The following ABCC9 variants were observed in gnomAD, a reference collection of about 807,000 sequenced individuals.
The protein encoded by ABCC9 is ATP binding cassette subfamily C member 9.
ABCC9 carries 95 observed loss-of-function variants against 188.3 expected under a neutral mutation model. The observed-to-expected ratio is 0.50, with a 90% CI of 0.43 to 0.60. The LOEUF (loss-of-function observed/expected upper bound fraction) is 0.60. ABCC9 is among the 20% of genes least tolerant of loss of function. ABCC9 has a pLI of 0.00. For synonymous variants in ABCC9, 659 were observed against 652.7 expected (o/e 1.01, Z -0.15); for missense variants, 1,102 against 1,876.3 (o/e 0.59, Z 7.62).
At position 21,797,913 on chromosome 12, in the gene ABCC9, G is replaced by A. The variant is rs1941228808; in HGVS notation, c.*3131C>T. On this transcript the variant is annotated 3_prime_UTR_variant, in exon 40 of 40. Transcript: ENST00000261200. ...CTAATTAAATATAAAATTTATAAAT[G>A]TAAAATCTGATTTAGTTAAGGTGGT... 1 of 152,108 alleles carries A rather than the reference G, an allele frequency of 6.6e-6. No individual in the cohort carries two copies. The highest frequency in any genetic ancestry group is 1.5e-5 in the Non-Finnish European group (1 of 67,996). The allele number at this position is 152,108 out of a possible 1,614,324, so 9.4% of individuals were successfully genotyped here.
At chr12:21,813,322 C>T (rs11836119) in intron 35 of ABCC9, among the ~76,000 whole-genome samples, 632 of 152,264 alleles carry the variant, frequency 4.2e-3, no homozygotes, top group African/African-American at 0.014. Flanking sequence ...CACTTTTGTG[C>T]AGAGACCATA....
intron 24 of ABCC9, among the ~76,000 whole-genome samples, chr12:21,850,132 C>T (rs1459419095): frequency 6.6e-6 from 1 of 150,954 alleles, no homozygotes; most frequent in African/African-American, 2.4e-5. Flanking sequence ...CTGCCCTGAG[C>T]ATTGCAGAAT....
At chr12:21,926,533 T>G (rs192709271) in intron 4 of ABCC9, among the ~76,000 whole-genome samples, 7 of 152,244 alleles carry the variant, frequency 4.6e-5, no homozygotes, top group Admixed American at 4.6e-4. Flanking sequence ...GATGCAACCA[T>G]GAAGAAAACA....
At chr12:21,936,877 G>T (rs1949510281) in intron 2 of ABCC9, among the ~76,000 whole-genome samples, 183 bp from the exon 3 acceptor site, 1 of 152,128 alleles carries the variant, frequency 6.6e-6, no homozygotes. Context: ...CGTCCTATGA[G>T]ATCTTCTTTT....
At chr12:21,838,003 A>G (rs1228661648) in intron 30 of ABCC9, 75 bp downstream of exon 30, 1 of 1,189,866 alleles carries the variant, frequency 8.4e-7, no homozygotes, top group Non-Finnish European at 1.2e-6. Flanking sequence ...GAAAGCAATG[A>G]TCAGTTATTT....
chr12:21,935,900 A>G (rs936895388), intron 3 of ABCC9, among the ~76,000 whole-genome samples: 1 of 152,152 alleles, frequency 6.6e-6, no homozygotes, highest in Non-Finnish European at 1.5e-5. Context: ...CAGATTTTAT[A>G]CATATGTAAA....
chr12:21,915,347 A>ATATATGTG, intron 7 of ABCC9, among the ~76,000 whole-genome samples: 2 of 138,610 alleles, frequency 1.4e-5, no homozygotes, highest in Admixed American at 1.5e-4. Context: ...AGACATGTGT[A>ATATATGTG]TGTATATATA....
intron 10 of ABCC9, among the ~76,000 whole-genome samples, chr12:21,908,685 G>C (rs1431826922): frequency 6.6e-6 from 1 of 151,922 alleles, no homozygotes; most frequent in Non-Finnish European, 1.5e-5. Context: ...AGTAGAGGAT[G>C]GTTGTCTGTG....
intron 17 of ABCC9, among the ~76,000 whole-genome samples, chr12:21,875,118 C>T (rs1005631844): frequency 2.1e-5 from 3 of 145,262 alleles, no homozygotes; most frequent in South Asian, 2.1e-4. Flanking sequence ...TTTTTGGTAG[C>T]GATTGCATAT....
At chr12:21,843,594 CAT>C (rs1410958531) in intron 28 of ABCC9, among the ~76,000 whole-genome samples, 1 of 152,120 alleles carries the variant, frequency 6.6e-6, no homozygotes, top group African/African-American at 2.4e-5. Flanking sequence ...TGCTGCTTTT[CAT>C]ATGATATATC....
In ABCC9 at chr12:21,863,057, G is replaced by T; in HGVS notation, c.2238-3C>A. The stretch of plus-strand genomic sequence containing the variant: ...ATGCCACAGAGTACCTGTTCCTACT[G>T]AAAAATGAAAAAGAAAAAAAAAAAC... On this transcript the variant is annotated splice_region_variant and splice_polypyrimidine_tract_variant and intron_variant, in intron 19 of 39. Coordinates refer to ENST00000261200, the MANE Select transcript of ABCC9 (RefSeq NM_020297.4). 6.4e-7 allele frequency: 1 copy of T among 1,566,534 alleles called. No homozygotes were observed. The highest frequency in any genetic ancestry group is 8.7e-7 in the Non-Finnish European group (1 of 1,149,464).
rs1941242429 is a variant in ABCC9 at position 21,798,136 on chromosome 12, A to G, written c.*2908T>C. 1 of 152,222 alleles carries G rather than the reference A, an allele frequency of 6.6e-6. No homozygotes were observed. 9.4% of individuals were successfully genotyped at this position (152,222 alleles called of 1,614,324 possible). A position where few individuals can be genotyped will look rare whatever the true frequency, so the allele number is the denominator to read the frequency against. ...AAAAGTTATGAGGGGACCAGCAACC[A>G]CTTGGCTGTAAGAATGGTGAATGTG... On this transcript the variant is annotated 3_prime_UTR_variant, in exon 40 of 40. Coordinates refer to ENST00000261200, the MANE Select transcript of ABCC9 (RefSeq NM_020297.4).
In ABCC9 at chr12:21,878,382, T is replaced by C. The variant is rs186047754; in HGVS notation, c.2020-2656A>G. Among the ~76,000 whole-genome samples, 277 of 152,292 alleles carry C rather than the reference T, an allele frequency of 1.8e-3. 2 individuals are homozygous for C. Among genetic ancestry groups the C allele is most frequent in the African/African-American group, 6.3e-3 (261 of 41,554 alleles). Reference sequence around the variant, plus strand: ...AGAATGCTAAAAATCCTTTAGTACCTTTCTGCAGCAATCCAACCTCATGCC... The same window carrying C: ...AGAATGCTAAAAATCCTTTAGTACCCTTCTGCAGCAATCCAACCTCATGCC... On this transcript the variant is annotated intron_variant, in intron 16 of 39. Transcript: ENST00000261200.
Position 21,876,115 on chromosome 12 carries a change from C to G in ABCC9, c.2020-389G>C, listed in dbSNP as rs190465990. 8.5e-5 allele frequency among the ~76,000 whole-genome samples: 13 copies of G among 152,180 alleles called. No homozygotes were observed. In the East Asian group the frequency reaches 2.3e-3, roughly 27 times the overall value. ...CTAAAAGACTCAACCCAAGGTAGAA[C>G]ACACAACGGTGAAATTCTGATTTAG... is the stretch of plus-strand genomic sequence containing the variant. On this transcript the variant is annotated intron_variant, in intron 16 of 39. Coordinates refer to ENST00000261200, the MANE Select transcript of ABCC9 (RefSeq NM_020297.4).
intron 15 of ABCC9, 80 bp downstream of exon 15, chr12:21,887,746 T>C (rs778081811): frequency 1.7e-4 from 160 of 956,772 alleles, no homozygotes; most frequent in Non-Finnish European, 1.1e-4. Flanking sequence ...TAATCTCTTC[T>C]AACTCAGTTG....
At chr12:21,897,126 A>T (rs1947467456) in intron 12 of ABCC9, among the ~76,000 whole-genome samples, 1 of 152,138 alleles carries the variant, frequency 6.6e-6, no homozygotes, top group Non-Finnish European at 1.5e-5. Flanking sequence ...GACTGGCGTG[A>T]GATGGTGTCT....
chr12:21,872,674 C>T lies in ABCC9; in HGVS notation c.2149G>A (p.Ala717Thr), dbSNP rs397517187. The part of the protein sequence containing the change: ...VGCGKSSLLL[A>T]ILGEMQTLEG... ...AATGTCTGCATCTCACCGAGGATGG[C>T]AAGGAGAAGAGAGGACTTCCCACAT... The change falls in exon 18 of 40, where the codon GCC becomes ACC. Residue 717 changes from alanine (A) to threonine (T), a missense_variant. Ala to Thr is a moderately conservative substitution (Grantham distance 58). This residue lies in a region of ABCC9 where 258 missense variants were observed against 325.6 expected (regional missense o/e 0.79). Coordinates refer to ENST00000261200, the MANE Select transcript of ABCC9 (RefSeq NM_020297.4). 2.3e-5 allele frequency: 37 copies of T among 1,613,682 alleles called. No individual in the cohort carries two copies. The highest frequency in any genetic ancestry group is 3.1e-5 in the Non-Finnish European group (36 of 1,179,814).
chr12:21,824,723 GGT>G (rs1320253420), intron 31 of ABCC9, among the ~76,000 whole-genome samples: 2 of 151,992 alleles, frequency 1.3e-5, no homozygotes, highest in Non-Finnish European at 2.9e-5. Context: ...GTCTTGGGAG[GGT>G]GTGTGTGTCC....
intron 3 of ABCC9, among the ~76,000 whole-genome samples, chr12:21,935,687 G>C (rs1270344747): frequency 1.3e-5 from 2 of 152,114 alleles, no homozygotes; most frequent in East Asian, 3.9e-4. Flanking sequence ...TATGGAAAGA[G>C]TCACAAGACC....
Sources: allele counts gnomAD v4.1 joint callset (sites outside exome capture counted in the v4.1 genomes callset), GRCh38; gene constraint gnomAD v4.1.1; regional missense constraint gnomAD v4.1.1; transcripts MANE v1.5; gene names NCBI Gene and HGNC (gene_info 2026-07-23, HGNC 2026-07-21).